Variants in ESRRG observed in about 807,000 individuals in gnomAD.
ESRRG encodes estrogen related receptor gamma.
In ESRRG, 13 loss-of-function variants were observed where a neutral mutation model predicts 44.0. The observed-to-expected ratio is 0.30, with a 90% confidence interval of 0.19 to 0.47. The LOEUF (loss-of-function observed/expected upper bound fraction) is 0.47. Among genes scored for constraint, ESRRG ranks in the 20% least tolerant of loss-of-function variants. ESRRG has a pLI of 1.00. For missense variants in ESRRG, 395 were observed against 580.6 expected (o/e 0.68, Z 3.29); for synonymous variants, 215 against 214.6 (o/e 1.00, Z -0.02).
chr1:216,790,130 T>A (rs1240046339), intron 2 of ESRRG, among the ~76,000 whole-genome samples: 1 of 152,124 alleles, frequency 6.6e-6, no homozygotes, highest in East Asian at 1.9e-4. Context: ...TCAGGCTGGA[T>A]CTCCTAAATA....
At chr1:216,559,381 C>T (rs544034266) in intron 5 of ESRRG, among the ~76,000 whole-genome samples, 14 of 152,150 alleles carry the variant, frequency 9.2e-5, no homozygotes, top group African/African-American at 2.4e-4. Context: ...TATAAGTCCA[C>T]GTAAATTGAG....
intron 1 of ESRRG, among the ~76,000 whole-genome samples, chr1:216,947,670 C>G (rs116159069): frequency 0.027 from 4,042 of 152,208 alleles, 149 homozygotes; most frequent in African/African-American, 0.086. Context: ...CACTGAAAAG[C>G]GTTTTTCTTT....
chr1:216,827,781 T>A lies in ESRRG; in HGVS notation c.-14+111801A>T, dbSNP rs114500979. On this transcript the variant is annotated intron_variant, in intron 2 of 7. Coordinates refer to the ESRRG transcript ENST00000359162. ...TAGTCACTCACAGTCACGTAGGACCTAATAGAACCATGTAAATAACCACAA... is the reference window on the plus strand; with the variant it reads ...TAGTCACTCACAGTCACGTAGGACCAAATAGAACCATGTAAATAACCACAA... Among the ~76,000 whole-genome samples the A allele has an allele frequency of 4.0e-3, 608 of 152,276 alleles. 3 individuals are homozygous for A. The highest frequency in any genetic ancestry group is 0.014 in the African/African-American group (587 of 41,550).
intron 1 of ESRRG, among the ~76,000 whole-genome samples, chr1:217,132,373 T>A (rs564214910): frequency 9.9e-5 from 15 of 152,094 alleles, no homozygotes; most frequent in Admixed American, 3.3e-4. Context: ...TCAGGCCATT[T>A]TAGTACCCAG....
At chr1:217,133,463 G>A (rs569410615) in intron 1 of ESRRG, among the ~76,000 whole-genome samples, 1 of 152,376 alleles carries the variant, frequency 6.6e-6, no homozygotes, top group South Asian at 2.1e-4. Context: ...TGAGCGACGC[G>A]TGTCATAGAA....
intron 1 of ESRRG, among the ~76,000 whole-genome samples, chr1:216,954,509 A>C (rs115735947): frequency 0.014 from 2,078 of 152,244 alleles, 44 homozygotes; most frequent in African/African-American, 0.042. Flanking sequence ...AGCAGAGTGC[A>C]TTATGCAATT....
chr1:216,973,617 G>A lies in ESRRG; in HGVS notation c.-105-33944C>T, dbSNP rs141563417. On this transcript the variant is annotated intron_variant, in intron 1 of 7. Transcript: ENST00000359162. ...CGAGGCGGGTGGATCACCTGAGGTC[G>A]GGAGTTCGAGACCAGCCTGACTAAC... Among the ~76,000 whole-genome samples, 520 of 152,006 alleles carry A rather than the reference G, an allele frequency of 3.4e-3. 3 individuals carry two copies. Among genetic ancestry groups the A allele is most frequent in the Admixed American group, 0.025 (376 of 15,250 alleles).
intron 1 of ESRRG, among the ~76,000 whole-genome samples, chr1:217,085,574 T>C (rs1340368598): frequency 1.4e-5 from 2 of 141,802 alleles, no homozygotes; most frequent in Non-Finnish European, 3.1e-5. Flanking sequence ...GACTGCTATC[T>C]CTACCTCCCG....
chr1:217,049,826 G>A (rs935809742), intron 1 of ESRRG, among the ~76,000 whole-genome samples: 1 of 152,142 alleles, frequency 6.6e-6, no homozygotes, highest in African/African-American at 2.4e-5. Context: ...GAAGAAAGAG[G>A]CCACAAGAAA....
At chr1:216,524,905 C>T (rs570859696) in intron 5 of ESRRG, among the ~76,000 whole-genome samples, 1 of 152,268 alleles carries the variant, frequency 6.6e-6, no homozygotes, top group South Asian at 2.1e-4. Context: ...AAGGTAATAT[C>T]TACCAGTCCA....
intron 5 of ESRRG, among the ~76,000 whole-genome samples, chr1:216,530,799 C>T (rs1416507463): frequency 6.6e-6 from 1 of 152,100 alleles, no homozygotes; most frequent in Non-Finnish European, 1.5e-5. Context: ...TTCAGAGTTA[C>T]CTAATTGGTC....
intron 2 of ESRRG, among the ~76,000 whole-genome samples, chr1:216,789,520 A>G (rs1464203144): frequency 6.6e-6 from 1 of 152,190 alleles, no homozygotes; most frequent in African/African-American, 2.4e-5. Flanking sequence ...ATGTATAAAC[A>G]TAATCAGTAA....
chr1:216,775,471 T>C (rs2093567819), intron 2 of ESRRG, among the ~76,000 whole-genome samples: 1 of 151,314 alleles, frequency 6.6e-6, no homozygotes, highest in African/African-American at 2.4e-5. Flanking sequence ...GTTTCTCATG[T>C]TGGTGAACCA....
chr1:216,539,670 T>G (rs68013940), intron 5 of ESRRG, among the ~76,000 whole-genome samples: 30,203 of 152,032 alleles, frequency 0.2, 3,798 homozygotes, highest in Non-Finnish European at 0.27. Context: ...GGATCGCTAG[T>G]GTTTAGCAGA....
At chr1:216,749,036 C>A (rs1429333193) in intron 2 of ESRRG, among the ~76,000 whole-genome samples, 1 of 152,258 alleles carries the variant, frequency 6.6e-6, no homozygotes, top group Non-Finnish European at 1.5e-5. Context: ...TGGCTCCATG[C>A]TCTTTATTCC....
At chr1:216,745,041 A>G (rs1285679657) in intron 2 of ESRRG, among the ~76,000 whole-genome samples, 1 of 152,058 alleles carries the variant, frequency 6.6e-6, no homozygotes, top group Non-Finnish European at 1.5e-5. Flanking sequence ...CAGGGTCTCA[A>G]TTTTTCTTTT....
intron 1 of ESRRG, among the ~76,000 whole-genome samples, chr1:216,980,607 T>C (rs1392270039): frequency 6.6e-6 from 1 of 152,112 alleles, no homozygotes; most frequent in African/African-American, 2.4e-5. Context: ...ATCACTGCAA[T>C]AGCCTCTAAT....
chr1:216,556,258 A>G (rs1181220599), intron 5 of ESRRG, among the ~76,000 whole-genome samples: 1 of 152,140 alleles, frequency 6.6e-6, no homozygotes, highest in Non-Finnish European at 1.5e-5. Context: ...GGCCAGGTCT[A>G]TAGGATATTG....
At chr1:216,646,964 T>C (rs1559005173) in intron 3 of ESRRG, among the ~76,000 whole-genome samples, 1 of 152,076 alleles carries the variant, frequency 6.6e-6, no homozygotes, top group Non-Finnish European at 1.5e-5. Context: ...CCAATAAACA[T>C]CAAGACACCC....
Sources: gnomAD v4.1 joint callset for allele counts (sites outside exome capture counted in the v4.1 genomes callset) on GRCh38, gnomAD v4.1.1 for gene constraint, MANE v1.5 for transcripts, NCBI Gene and HGNC (gene_info 2026-07-23, HGNC 2026-07-21) for gene names.